The following RMC1 variants were observed in gnomAD, a reference collection of about 807,000 sequenced individuals.
The protein encoded by RMC1 is regulator of MON1-CCZ1, also known as regulator of MON1-CCZ1 complex.
A neutral mutation model predicts 95.5 loss-of-function variants in RMC1; 44 were observed. That is an observed-to-expected ratio of 0.46 (90% CI 0.36 to 0.59). The LOEUF (loss-of-function observed/expected upper bound fraction) is 0.59, where lower values mean the gene tolerates loss of function less well. Among genes scored for constraint, RMC1 ranks in the 20% least tolerant of loss-of-function variants. The pLI is 0.00. For missense variants in RMC1, 705 were observed against 819.6 expected, an observed-to-expected ratio of 0.86 and a Z score of 1.71; for synonymous variants, 320 against 303.6, an observed-to-expected ratio of 1.05 and a Z score of -0.56.
chr18:23,520,375 A>G (rs945099783), intron 10 of RMC1, 62 bp downstream of exon 10: 6 of 1,352,948 alleles, frequency 4.4e-6, no homozygotes, highest in South Asian at 2.4e-5. Flanking sequence ...TGTTCTCACC[A>G]TGATCTTTGG....
At chr18:23,504,503 C>G in intron 2 of RMC1, 56 bp downstream of exon 2, 2 of 1,477,166 alleles carry the variant, frequency 1.4e-6, no homozygotes, top group Admixed American at 3.4e-5. Flanking sequence ...TGATGTTTTT[C>G]TAATTCAAAT....
rs868670281 is a variant in RMC1, at chr18:23,527,224, A to C, written c.1189+459A>C. Among the ~76,000 whole-genome samples, 401 of 69,360 alleles carry C rather than the reference A, an allele frequency of 5.8e-3. 1 individual carries two copies. The highest frequency in any genetic ancestry group is 0.051 in the African/African-American group (378 of 7,476). 45.5% of individuals were successfully genotyped at this position (69,360 alleles called of 152,430 possible). A position where few individuals can be genotyped will look rare whatever the true frequency, so the allele number is the denominator to read the frequency against. ...CAACATGGCAAAACCCTGTCTCTAC[A>C]AAAAAAAAAAAAAAAAAAAAAAAAA... On this transcript the variant is annotated intron_variant, in intron 13 of 19. Coordinates refer to ENST00000269221, the MANE Select transcript of RMC1 (RefSeq NM_013326.5).
chr18:23,531,318 TATACAAC>T, intron 19 of RMC1: 1 of 282,502 alleles, frequency 3.5e-6, no homozygotes, highest in Non-Finnish European at 6.4e-6. Context: ...TCCAAATAGT[TATACAAC>T]CTAAGACATC....
At chr18:23,525,395 A>G (rs1301682005) in intron 12 of RMC1, among the ~76,000 whole-genome samples, 2 of 151,808 alleles carry the variant, frequency 1.3e-5, no homozygotes, top group African/African-American at 4.8e-5. Context: ...CTACAGGCGC[A>G]CATCACCACG....
At chr18:23,524,050 A>T (rs2058222532) in intron 10 of RMC1, 80 bp from the exon 11 acceptor site, 5 of 1,397,536 alleles carry the variant, frequency 3.6e-6, no homozygotes, top group Non-Finnish European at 5.1e-6. Context: ...ATTAAAAAGT[A>T]TTGACTTTTG....
rs1398590929 is a variant in RMC1, at chr18:23,531,329, A to T, written c.1895-296A>T. ...CATCTCCAAATAGTTATACAACCTA[A>T]GACATCATCTTTAGGATAGGGAAGG... On this transcript the variant is annotated intron_variant, in intron 19 of 19. Coordinates refer to ENST00000269221, the MANE Select transcript of RMC1 (RefSeq NM_013326.5). 13 of 337,458 alleles carry T rather than the reference A, an allele frequency of 3.9e-5. No homozygotes were observed. The East Asian group carries it at 8.4e-4, about 22-fold the overall frequency. 20.9% of individuals were successfully genotyped at this position (337,458 alleles called of 1,614,324 possible).
At chr18:23,511,168 C>A (rs1034088060) in intron 5 of RMC1, among the ~76,000 whole-genome samples, 2 of 152,192 alleles carry the variant, frequency 1.3e-5, no homozygotes, top group African/African-American at 4.8e-5. Context: ...AAGATCATGT[C>A]TTTTGTGGGA....
At chr18:23,527,987 C>A in intron 14 of RMC1, 86 bp downstream of exon 14, 1 of 1,133,854 alleles carries the variant, frequency 8.8e-7, no homozygotes, top group Non-Finnish European at 1.2e-6. Context: ...AAAATTGTTT[C>A]CTATATATTA....
At chr18:23,508,316 G>A (rs775113181) in intron 4 of RMC1, among the ~76,000 whole-genome samples, 5 of 152,180 alleles carry the variant, frequency 3.3e-5, no homozygotes, top group Non-Finnish European at 7.3e-5. Context: ...CGTCTGTCTT[G>A]CCCTTTTTCT....
Position 23,530,132 on chromosome 18 carries a change from G to T in RMC1, c.1599G>T (p.Leu533Phe). The T allele has an allele frequency of 6.2e-7, 1 of 1,613,858 alleles. No individual in the cohort carries two copies. Among genetic ancestry groups the T allele is most frequent in the South Asian group, 1.1e-5 (1 of 91,064 alleles). Residue 533 changes from leucine (L) to phenylalanine (F), a missense_variant and splice_region_variant, in exon 17 of 20, where the codon TTG becomes TTT. Coordinates refer to ENST00000269221, the MANE Select transcript of RMC1 (RefSeq NM_013326.5). ...ACGTCCTCAGCGACTCCAAACCTTT[G>T]GTATGCATTGCCAGATTTTTACTTC... ...QYHVLSDSKP[L>F]ACLLLSLESF...
At chr18:23,526,248 C>G (rs1598903643) in intron 12 of RMC1, among the ~76,000 whole-genome samples, 1 of 152,210 alleles carries the variant, frequency 6.6e-6, no homozygotes, top group Non-Finnish European at 1.5e-5. Flanking sequence ...TAGGAGAAAC[C>G]AAAGCACAGG....
chr18:23,513,352 C>T (rs577122549), intron 5 of RMC1, among the ~76,000 whole-genome samples: 2 of 152,310 alleles, frequency 1.3e-5, no homozygotes, highest in East Asian at 3.9e-4. Flanking sequence ...CTACAGGTTC[C>T]CCCATGCCAT....
chr18:23,516,136 A>G lies in RMC1; in HGVS notation c.549+140A>G, dbSNP rs1406438641. On this transcript the variant is annotated intron_variant, in intron 6 of 19. Transcript: ENST00000269221. ...CTCTGACCACTAGAGGGCACTCTGT[A>G]TACCCGTCAGCTCCTGGAGCCATTC... The G allele has an allele frequency of 4.4e-6, 6 of 1,378,492 alleles. No individual in the cohort carries two copies. In the South Asian group the frequency reaches 6.3e-5, roughly 15 times the overall value. 85.4% of individuals were successfully genotyped at this position (1,378,492 alleles called of 1,614,324 possible).
intron 12 of RMC1, among the ~76,000 whole-genome samples, chr18:23,525,188 C>CGCCTG (rs1295011436): frequency 6.6e-6 from 1 of 151,744 alleles, no homozygotes; most frequent in Admixed American, 6.6e-5. Flanking sequence ...TCAGGTGATC[C>CGCCTG]GCCTGCCTCG....
At chr18:23,524,323 T>C in intron 11 of RMC1, 106 bp from the exon 12 acceptor site, 1 of 1,494,016 alleles carries the variant, frequency 6.7e-7, no homozygotes, top group East Asian at 2.3e-5. Flanking sequence ...GGGCCTCGCG[T>C]TTAGCGTGGA....
At chr18:23,514,499 G>T (rs1475844582) in intron 5 of RMC1, among the ~76,000 whole-genome samples, 1 of 152,044 alleles carries the variant, frequency 6.6e-6, no homozygotes, top group Non-Finnish European at 1.5e-5. Context: ...GGAGGTTGCG[G>T]TGAGCCGAGA....
At position 23,530,139 on chromosome 18, in the gene RMC1, A is replaced by G. The variant is rs964167937; in HGVS notation, c.1599+7A>G. On this transcript the variant is annotated splice_region_variant and intron_variant, in intron 17 of 19. Transcript: ENST00000269221. ...CAGCGACTCCAAACCTTTGGTATGC[A>G]TTGCCAGATTTTTACTTCCATTGTG... 8 of 1,613,826 alleles carry G rather than the reference A, an allele frequency of 5.0e-6. No individual in the cohort carries two copies. The highest frequency in any genetic ancestry group is 5.9e-6 in the Non-Finnish European group (7 of 1,179,816).
At chr18:23,521,565 G>A (rs907211924) in intron 10 of RMC1, among the ~76,000 whole-genome samples, 1 of 152,208 alleles carries the variant, frequency 6.6e-6, no homozygotes, top group African/African-American at 2.4e-5. Flanking sequence ...GTGGGGTTGG[G>A]AAGTCAGAAG....
At position 23,503,733 on chromosome 18, in the gene RMC1, C is replaced by A. The variant is rs1469244238; in HGVS notation, c.102+13C>A. The A allele has an allele frequency of 1.9e-6, 3 of 1,582,210 alleles. No individual in the cohort carries two copies. The highest frequency in any genetic ancestry group is 1.1e-5 in the South Asian group (1 of 88,548). ...GGCCAACAAGCAGGTCCGGCGCGCC[C>A]GCGCTTCCTCCCCCGCGCGGCCCTG... On this transcript the variant is annotated intron_variant, in intron 1 of 19. Transcript: ENST00000269221.
Sources: allele counts gnomAD v4.1 joint callset (sites outside exome capture counted in the v4.1 genomes callset), GRCh38; gene constraint gnomAD v4.1.1; transcripts MANE v1.5; gene names NCBI Gene and HGNC (gene_info 2026-07-23, HGNC 2026-07-21).